VWC2L: variants seen among roughly 807,000 people sequenced by gnomAD.
VWC2L encodes the protein von Willebrand factor C domain-containing protein 2-like.
VWC2L carries 10 observed loss-of-function variants against 21.6 expected under a neutral mutation model. The observed-to-expected ratio is 0.46, with a 90% CI of 0.29 to 0.78. The LOEUF is 0.78. VWC2L is among the 30% of genes least tolerant of loss of function. The probability of loss-of-function intolerance (pLI) is 0.10; values close to 1 mark genes in which losing one functional copy is unlikely to be tolerated. For missense variants in VWC2L, 209 were observed against 277.1 expected, an observed-to-expected ratio of 0.75 and a Z score of 1.74; for synonymous variants, 96 against 94.3, an observed-to-expected ratio of 1.02 and a Z score of -0.10.
intron 3 of VWC2L, among the ~76,000 whole-genome samples, chr2:214,446,093 T>C (rs545570451): frequency 7.2e-4 from 109 of 152,330 alleles, no homozygotes; most frequent in African/African-American, 2.5e-3. Context: ...GTGCAAATTG[T>C]CCACCTTAAT....
chr2:214,513,243 G>C (rs771660318), intron 3 of VWC2L, among the ~76,000 whole-genome samples: 1 of 152,064 alleles, frequency 6.6e-6, no homozygotes. Flanking sequence ...TCATGCACTA[G>C]ACCTTTCCCC....
At chr2:214,522,027 C>T (rs1452420458) in intron 3 of VWC2L, among the ~76,000 whole-genome samples, 1 of 152,162 alleles carries the variant, frequency 6.6e-6, no homozygotes, top group Non-Finnish European at 1.5e-5. Flanking sequence ...ATGATGTTTA[C>T]TTCATTACGA....
chr2:214,506,101 T>A (rs1054002700), intron 3 of VWC2L, among the ~76,000 whole-genome samples: 2 of 152,200 alleles, frequency 1.3e-5, no homozygotes, highest in Non-Finnish European at 2.9e-5. Flanking sequence ...TAATAAAGAA[T>A]TTGAAAGATA....
At chr2:214,426,677 CA>C (rs1702528564) in intron 2 of VWC2L, among the ~76,000 whole-genome samples, 1 of 151,992 alleles carries the variant, frequency 6.6e-6, no homozygotes. Flanking sequence ...CTTGGCAAAT[CA>C]AAAAAGGTCT....
intron 3 of VWC2L, among the ~76,000 whole-genome samples, chr2:214,483,842 T>C (rs1234421508): frequency 1.3e-5 from 2 of 152,084 alleles, no homozygotes; most frequent in East Asian, 1.9e-4. Context: ...AGGGATTGGA[T>C]TGGTTTTCTA....
chr2:214,522,052 G>C (rs1689249130), intron 3 of VWC2L, among the ~76,000 whole-genome samples: 1 of 152,164 alleles, frequency 6.6e-6, no homozygotes, highest in Non-Finnish European at 1.5e-5. Flanking sequence ...CCAGATAATA[G>C]CTAGACAATG....
intron 3 of VWC2L, among the ~76,000 whole-genome samples, chr2:214,525,690 G>A (rs1050927344): frequency 2.0e-5 from 3 of 152,158 alleles, no homozygotes; most frequent in African/African-American, 7.2e-5. Context: ...GGCTGCAGAA[G>A]ATCATCTGCT....
intron 3 of VWC2L, among the ~76,000 whole-genome samples, chr2:214,451,949 A>G (rs539364542): frequency 6.6e-6 from 1 of 152,324 alleles, no homozygotes; most frequent in South Asian, 2.1e-4. Flanking sequence ...AACTATTGTC[A>G]TAATCAAGAT....
intron 3 of VWC2L, among the ~76,000 whole-genome samples, chr2:214,547,214 C>T (rs1353735746): frequency 1.1e-5 from 1 of 89,986 alleles, no homozygotes; most frequent in African/African-American, 4.8e-5. Flanking sequence ...TAGTTTACTT[C>T]TGCAAGGAAA....
At chr2:214,530,879 A>C (rs186344210) in intron 3 of VWC2L, among the ~76,000 whole-genome samples, 1 of 152,210 alleles carries the variant, frequency 6.6e-6, no homozygotes, top group Non-Finnish European at 1.5e-5. Flanking sequence ...CCATTGCTTA[A>C]ACAGCAATAT....
At chr2:214,521,745 C>T (rs952535823) in intron 3 of VWC2L, among the ~76,000 whole-genome samples, 1 of 152,254 alleles carries the variant, frequency 6.6e-6, no homozygotes, top group Admixed American at 6.5e-5. Context: ...CTCTACGAAA[C>T]CATACCACAT....
chr2:214,534,700 C>G (rs975833562), intron 3 of VWC2L, among the ~76,000 whole-genome samples: 2 of 152,060 alleles, frequency 1.3e-5, no homozygotes, highest in African/African-American at 4.8e-5. Flanking sequence ...ACATTAAGTT[C>G]TGGTTCTTCT....
chr2:214,546,648 T>C (rs946572849), intron 3 of VWC2L, among the ~76,000 whole-genome samples: 1 of 152,172 alleles, frequency 6.6e-6, no homozygotes, highest in Non-Finnish European at 1.5e-5. Context: ...AACCTTGTCA[T>C]ATGATTTCTA....
intron 3 of VWC2L, among the ~76,000 whole-genome samples, chr2:214,533,488 A>C (rs567259041): frequency 4.4e-4 from 67 of 151,922 alleles, no homozygotes; most frequent in Middle Eastern, 6.8e-3. Flanking sequence ...CTCTGCCTCC[A>C]CATTCATCTT....
chr2:214,464,224 G>A (rs1202127590), intron 3 of VWC2L, among the ~76,000 whole-genome samples: 1 of 152,102 alleles, frequency 6.6e-6, no homozygotes, highest in Non-Finnish European at 1.5e-5. Context: ...GTTCGTTAAT[G>A]TATAGGCATT....
intron 3 of VWC2L, among the ~76,000 whole-genome samples, chr2:214,468,685 G>A (rs59541749): frequency 0.071 from 10,761 of 152,052 alleles, 1,221 homozygotes; most frequent in African/African-American, 0.24. Context: ...CATGCCAAAT[G>A]CTGAGAATTA....
At chr2:214,529,558 T>C (rs904404343) in intron 3 of VWC2L, among the ~76,000 whole-genome samples, 1 of 152,172 alleles carries the variant, frequency 6.6e-6, no homozygotes, top group Non-Finnish European at 1.5e-5. Context: ...TTTACATCTT[T>C]AGGCACTGGA....
intron 3 of VWC2L, among the ~76,000 whole-genome samples, chr2:214,479,240 A>C (rs1294073789): frequency 6.6e-6 from 1 of 152,190 alleles, no homozygotes; most frequent in Non-Finnish European, 1.5e-5. Flanking sequence ...CCATCCTAAT[A>C]TCTTTTACAG....
At chr2:214,446,740 C>T (rs1191255503) in intron 3 of VWC2L, among the ~76,000 whole-genome samples, 2 of 152,062 alleles carry the variant, frequency 1.3e-5, no homozygotes, top group East Asian at 3.9e-4. Context: ...CATTTTTTCC[C>T]TTGAAAACAG....
Sources: gnomAD v4.1 joint callset for allele counts (sites outside exome capture counted in the v4.1 genomes callset) on GRCh38, gnomAD v4.1.1 for gene constraint, MANE v1.5 for transcripts, NCBI Gene and HGNC (gene_info 2026-07-23, HGNC 2026-07-21) for gene names.